The following JADE2 variants were observed in gnomAD, a reference collection of about 807,000 sequenced individuals.
JADE2 encodes E3 ubiquitin-protein ligase Jade-2.
A neutral mutation model predicts 85.7 loss-of-function variants in JADE2; 13 were observed. The ratio of observed to expected loss-of-function variants is 0.15; its 90% CI spans 0.10 to 0.24. The LOEUF is 0.24. Ranked by LOEUF, JADE2 falls within the 10% of genes least tolerant of loss-of-function variation. The pLI, the probability that JADE2 is intolerant of heterozygous loss-of-function variation, is 1.00. For synonymous variants in JADE2, 440 were observed against 456.1 expected (o/e 0.96, Z 0.45); for missense variants, 846 against 1,115.9 (o/e 0.76, Z 3.45).
rs907125770 is a variant in JADE2, at chr5:134,580,456, C to T, written c.*1139C>T. On this transcript the variant is annotated 3_prime_UTR_variant, in exon 12 of 12. Transcript: ENST00000681547. ...CCCCCGTCCTGCCATCCCCCCCCGC[C>T]GTCCTGCCTTCCCCACCCCACCCTT... The T allele has an allele frequency of 7.1e-6, 1 of 141,760 alleles. No individual in the cohort carries two copies. The highest frequency in any genetic ancestry group is 1.6e-5 in the Non-Finnish European group (1 of 64,514). The allele number at this position is 141,760 out of a possible 1,614,324, so 8.8% of individuals were successfully genotyped here. A position where few individuals can be genotyped will look rare whatever the true frequency, so the allele number is the denominator to read the frequency against.
intron 10 of JADE2, chr5:134,575,665 T>C (rs1270171351): frequency 6.7e-6 from 1 of 150,056 alleles, no homozygotes; most frequent in Non-Finnish European, 1.5e-5. Flanking sequence ...CCCAGCACTT[T>C]GGGAGACCAC....
chr5:134,579,238 C>T lies in JADE2; in HGVS notation c.2426C>T (p.Ala809Val), dbSNP rs1353600414. The stretch of plus-strand genomic sequence containing the variant: ...GAGATGAGCGACTCAGATGTAGAGG[C>T]CGAGGACGGTGGGGTGCAGCGGGGT... ...DGEMSDSDVE[A>V]EDGGVQRGPR... is the part of the protein sequence containing the mutation. The change falls in exon 12 of 12, where the codon GCC becomes GTC. Residue 809 changes from alanine to valine, a missense_variant. This residue lies in a region of JADE2 where 300 missense variants were observed against 300.7 expected (regional missense o/e 1.00). Coordinates refer to ENST00000681547, the MANE Select transcript of JADE2 (RefSeq NM_001388185.1). The surrounding 1 kb of genome is among the most constrained non-coding windows in gnomAD (Gnocchi z 4.6). 1.9e-6 allele frequency: 3 copies of T among 1,613,960 alleles called. No individual in the cohort carries two copies. The highest frequency in any genetic ancestry group is 2.5e-6 in the Non-Finnish European group (3 of 1,180,032).
chr5:134,557,278 TTA>T (rs749896348), intron 4 of JADE2, among the ~76,000 whole-genome samples: 40 of 23,870 alleles, frequency 1.7e-3, no homozygotes, highest in African/African-American at 3.1e-3. Context: ...ATTTTTTTTT[TTA>T]TTTTTTTTTT....
At position 134,526,000 on chromosome 5, in the gene JADE2, C is replaced by T. The variant is rs1394594524; in HGVS notation, c.-12C>T. 9 of 985,432 alleles carry T rather than the reference C, an allele frequency of 9.1e-6. No homozygotes were observed. The highest frequency in any genetic ancestry group is 1.1e-5 in the Non-Finnish European group (9 of 830,096). The allele number at this position is 985,432 out of a possible 1,614,324, so 61.0% of individuals were successfully genotyped here. On this transcript the variant is annotated 5_prime_UTR_variant, in exon 1 of 12. Transcript: ENST00000681547. ...GAGGGCAGCGCCCGTCAGGGGGGCA[C>T]CGCGGAGCAAGGTAAGATCCAGCCC...
chr5:134,565,866 C>T (rs1422663201), intron 8 of JADE2, among the ~76,000 whole-genome samples: 2 of 150,674 alleles, frequency 1.3e-5, no homozygotes, highest in Admixed American at 6.6e-5. Context: ...AGGTGTTTCT[C>T]AACCGTCTTC....
chr5:134,525,814 T>C lies in JADE2; in HGVS notation c.-198T>C. 9.9e-7 allele frequency: 1 copy of C among 1,010,200 alleles called. No individual in the cohort carries two copies. Among genetic ancestry groups the C allele is most frequent in the South Asian group, 3.5e-5 (1 of 28,216 alleles). 62.6% of individuals were successfully genotyped at this position (1,010,200 alleles called of 1,614,324 possible). A position where few individuals can be genotyped will look rare whatever the true frequency, so the allele number is the denominator to read the frequency against. Reference sequence around the variant, plus strand: ...CGGCTTAGGTCCTGCGGGCCGACCGTCCCCGGCGGGGGGCGTGGGGCCTGG... The same window carrying C: ...CGGCTTAGGTCCTGCGGGCCGACCGCCCCCGGCGGGGGGCGTGGGGCCTGG... On this transcript the variant is annotated 5_prime_UTR_variant, in exon 1 of 12. Transcript: ENST00000681547.
At position 134,566,489 on chromosome 5, in the gene JADE2, C is replaced by T. The variant is rs761421339; in HGVS notation, c.1343C>T (p.Thr448Ile). 6.2e-7 allele frequency: 1 copy of T among 1,612,130 alleles called. No homozygotes were observed. The highest frequency in any genetic ancestry group is 8.5e-7 in the Non-Finnish European group (1 of 1,179,184). Reference sequence around the variant, plus strand: ...AACCAGCCGCTGCTGACCCCCAAGACCGACGAGGTGGACAACCTGGCCCAG... The same window carrying T: ...AACCAGCCGCTGCTGACCCCCAAGATCGACGAGGTGGACAACCTGGCCCAG... ...NANQPLLTPK[T>I]DEVDNLAQQE... The change falls in exon 9 of 12, where the codon ACC becomes ATC. Residue 448 changes from threonine (T) to isoleucine (I), a missense_variant. By Grantham distance (89) the Thr-to-Ile change is moderately conservative. Transcript: ENST00000681547. This position sits in a 1 kb window ranked among gnomAD's most constrained non-coding sequence, Gnocchi z 6.7.
Position 134,564,423 on chromosome 5 carries a change from C to T in JADE2, c.853-71C>T, listed in dbSNP as rs1741506433. 5.8e-6 allele frequency: 6 copies of T among 1,038,872 alleles called. No homozygotes were observed. In the South Asian group the frequency reaches 8.7e-5, roughly 15 times the overall value. The allele number at this position is 1,038,872 out of a possible 1,614,324, so 64.4% of individuals were successfully genotyped here. A position where few individuals can be genotyped will look rare whatever the true frequency, so the allele number is the denominator to read the frequency against. ...CACCACCTAGTTTCAGCAGACAAAC[C>T]CCCATTTTGGAGATCCCTGGAGGCA... On this transcript the variant is annotated intron_variant, in intron 7 of 11. Transcript: ENST00000681547.
intron 1 of JADE2, among the ~76,000 whole-genome samples, chr5:134,529,024 A>G (rs1331031500): frequency 5.3e-5 from 8 of 152,200 alleles, no homozygotes; most frequent in Non-Finnish European, 1.5e-5. Context: ...TTGACACTGT[A>G]TAGGCCCTGG....
At chr5:134,534,105 G>A (rs1042929662) in intron 1 of JADE2, among the ~76,000 whole-genome samples, 8 of 152,120 alleles carry the variant, frequency 5.3e-5, no homozygotes, top group Non-Finnish European at 1.2e-4. Context: ...ACTCTGCTGC[G>A]CAGAGACGGA....
intron 4 of JADE2, 140 bp downstream of exon 4, chr5:134,552,349 A>G (rs2149936533): frequency 1.2e-6 from 1 of 839,018 alleles, no homozygotes; most frequent in East Asian, 2.7e-5. Flanking sequence ...TTTCCAACAA[A>G]CCATTGAAAT....
Position 134,559,919 on chromosome 5 carries a change from G to A in JADE2, c.401G>A (p.Gly134Asp), listed in dbSNP as rs779505300. The change falls in exon 5 of 12, where the codon GGC becomes GAC. Residue 134 changes from glycine to aspartate, a missense_variant. Physicochemically the swap from Gly to Asp is moderately conservative, Grantham distance 94. Coordinates refer to ENST00000681547, the MANE Select transcript of JADE2 (RefSeq NM_001388185.1). ...GEGSQPDWPG[G>D]SRYDLDEIDA... is the part of the protein sequence containing the mutation. ...GGCTCCCAGCCTGATTGGCCAGGGG[G>A]CAGCCGCTATGACTTGGACGAGATT... The A allele has an allele frequency of 3.1e-6, 5 of 1,613,080 alleles. No individual in the cohort carries two copies. The highest frequency in any genetic ancestry group is 4.2e-6 in the Non-Finnish European group (5 of 1,179,842).
At chr5:134,544,718 G>T (rs1306272429) in intron 3 of JADE2, among the ~76,000 whole-genome samples, 2 of 152,080 alleles carry the variant, frequency 1.3e-5, no homozygotes, top group African/African-American at 2.4e-5. Context: ...TTAGTCCCTG[G>T]GGAAGGGGCC....
At position 134,564,622 on chromosome 5, in the gene JADE2, A is replaced by G. The variant is rs1253188507; in HGVS notation, c.969+12A>G. 3.3e-6 allele frequency: 5 copies of G among 1,504,852 alleles called. No individual in the cohort carries two copies. The South Asian group carries it at 5.0e-5, about 15-fold the overall frequency. 93.2% of individuals were successfully genotyped at this position (1,504,852 alleles called of 1,614,324 possible). On this transcript the variant is annotated intron_variant, in intron 8 of 11. Coordinates refer to ENST00000681547, the MANE Select transcript of JADE2 (RefSeq NM_001388185.1). ...GCACCTGCATCCAGGTATGTGGCCT[A>G]CTTCACCTCCTGCTGCCAGGAGCTG...
intron 1 of JADE2, 51 bp from the exon 2 acceptor site, chr5:134,535,807 G>A: frequency 6.5e-7 from 1 of 1,534,150 alleles, no homozygotes; most frequent in African/African-American, 1.4e-5. Context: ...CTGAGAGGTT[G>A]AGGATTTCCC....
At chr5:134,553,372 T>TTC (rs1554126970) in intron 4 of JADE2, among the ~76,000 whole-genome samples, 3 of 150,924 alleles carry the variant, frequency 2.0e-5, no homozygotes, top group African/African-American at 7.3e-5. Context: ...CTTTTTTTTT[T>TTC]GAGACGGAGT....
At chr5:134,529,666 T>G (rs549020123) in intron 1 of JADE2, among the ~76,000 whole-genome samples, 7 of 152,256 alleles carry the variant, frequency 4.6e-5, no homozygotes, top group Non-Finnish European at 7.3e-5. Flanking sequence ...GGGTCCCCGA[T>G]GCAGCTTGGA....
In JADE2 at chr5:134,533,539, G is replaced by T. The variant is rs562640260; in HGVS notation, c.1-2319G>T. Reference sequence around the variant, plus strand: ...ATGCTGGCTCGGAAGTACCTTCTTTGCAGGAAATGAAGAGAAATGGAATTC... The same window carrying T: ...ATGCTGGCTCGGAAGTACCTTCTTTTCAGGAAATGAAGAGAAATGGAATTC... On this transcript the variant is annotated intron_variant, in intron 1 of 11. Transcript: ENST00000681547. 5 of 985,244 alleles carry T rather than the reference G, an allele frequency of 5.1e-6. No homozygotes were observed. In the East Asian group the frequency reaches 5.7e-4, roughly 112 times the overall value. The allele number at this position is 985,244 out of a possible 1,614,324, so 61.0% of individuals were successfully genotyped here. A position where few individuals can be genotyped will look rare whatever the true frequency, so the allele number is the denominator to read the frequency against.
intron 9 of JADE2, among the ~76,000 whole-genome samples, chr5:134,571,784 G>A (rs889795675): frequency 2.0e-5 from 3 of 152,304 alleles, no homozygotes; most frequent in African/African-American, 7.2e-5. Context: ...TGCCAGCCCC[G>A]ACACTCCTCA....
Sources: allele counts gnomAD v4.1 joint callset (sites outside exome capture counted in the v4.1 genomes callset), GRCh38; gene constraint gnomAD v4.1.1; regional missense constraint gnomAD v4.1.1; non-coding constraint Gnocchi (gnomAD v3.1); transcripts MANE v1.5; gene names NCBI Gene and HGNC (gene_info 2026-07-23, HGNC 2026-07-21).